The following ATP1A1 variants were observed in gnomAD, a reference collection of about 807,000 sequenced individuals.
ATP1A1 encodes sodium/potassium-transporting ATPase subunit alpha-1.
A neutral mutation model predicts 114.8 loss-of-function variants in ATP1A1; 14 were observed. The ratio of observed to expected loss-of-function variants is 0.12; its 90% CI spans 0.08 to 0.19. The LOEUF (loss-of-function observed/expected upper bound fraction) is 0.19. Ranked by LOEUF, ATP1A1 falls within the 10% of genes least tolerant of loss-of-function variation. ATP1A1 has a pLI of 1.00. For missense variants in ATP1A1, 524 were observed against 1,290.7 expected, an observed-to-expected ratio of 0.41 and a Z score of 9.10; for synonymous variants, 471 against 466.3, an observed-to-expected ratio of 1.01 and a Z score of -0.13.
rs181214753 is a variant in ATP1A1, at chr1:116,381,290, T to A, written c.13-2724T>A. 1.3e-5 allele frequency among the ~76,000 whole-genome samples: 2 copies of A among 152,346 alleles called. No individual in the cohort carries two copies. The highest frequency in any genetic ancestry group is 6.5e-5 in the Admixed American group (1 of 15,306). On this transcript the variant is annotated intron_variant, in intron 1 of 22. Transcript: ENST00000295598. This position sits in a 1 kb window ranked among gnomAD's most constrained non-coding sequence, Gnocchi z 5.1. ...TTGTCCTACCTGATTCTACCACTGT[T>A]CATCTCACGCAGTGTGCACTCCCTG...
At chr1:116,400,833 T>C in intron 18 of ATP1A1, 28 bp from the exon 19 acceptor site, 4 of 1,613,222 alleles carry the variant, frequency 2.5e-6, no homozygotes, top group Non-Finnish European at 3.4e-6. Flanking sequence ...TGTGAGGTTC[T>C]AGTAATTGGG....
At chr1:116,376,029 A>G (rs776415750) in intron 1 of ATP1A1, among the ~76,000 whole-genome samples, 3 of 152,246 alleles carry the variant, frequency 2.0e-5, no homozygotes, top group Non-Finnish European at 4.4e-5. Flanking sequence ...TTTTATTGCC[A>G]GTGACTTGGC....
In ATP1A1 at chr1:116,384,710, A is replaced by G. The variant is rs1385608877; in HGVS notation, c.124-73A>G. ...TTAATAAGCTTAATGATAGTAATGAATAATGCTATTTTTTCTGTCATTTTT... is the reference window on the plus strand; with the variant it reads ...TTAATAAGCTTAATGATAGTAATGAGTAATGCTATTTTTTCTGTCATTTTT... On this transcript the variant is annotated intron_variant, in intron 2 of 22. Transcript: ENST00000295598. This position sits in a 1 kb window ranked among gnomAD's most constrained non-coding sequence, Gnocchi z 5.1. The G allele has an allele frequency of 6.2e-6, 8 of 1,296,940 alleles. No individual in the cohort carries two copies. The highest frequency in any genetic ancestry group is 8.7e-6 in the Non-Finnish European group (8 of 917,980). 80.3% of individuals were successfully genotyped at this position (1,296,940 alleles called of 1,614,324 possible). A position where few individuals can be genotyped will look rare whatever the true frequency, so the allele number is the denominator to read the frequency against.
At position 116,387,470 on chromosome 1, in the gene ATP1A1, A is replaced by G; in HGVS notation, c.366A>G (p.Glu122=). The change falls in exon 4 of 23, where the codon GAA becomes GAG. Residue 122 remains glutamate, a synonymous_variant. Transcript: ENST00000295598. The surrounding 1 kb of genome is among the most constrained non-coding windows in gnomAD (Gnocchi z 6.7). The part of the protein sequence containing the change: ...FLAYSIQAAT[E]EEPQNDNLYL... ...CTTATAGCATCCAAGCTGCTACAGA[A>G]GAGGAACCTCAAAACGATAATGTGA... 2 of 1,614,252 alleles carry G rather than the reference A, an allele frequency of 1.2e-6. No individual in the cohort carries two copies. Among genetic ancestry groups the G allele is most frequent in the Non-Finnish European group, 1.7e-6 (2 of 1,180,046 alleles).
Position 116,398,518 on chromosome 1 carries a change from G to A in ATP1A1, c.2125-103G>A, listed in dbSNP as rs1653123915. On this transcript the variant is annotated intron_variant, in intron 15 of 22. Coordinates refer to ENST00000295598, the MANE Select transcript of ATP1A1 (RefSeq NM_000701.8). The surrounding 1 kb of genome is among the most constrained non-coding windows in gnomAD (Gnocchi z 6.1). ...CTTCATAAATAGTCTCAATAGGAAA[G>A]GAGCAGTGTCTGTAATGAGTGCTCA... The A allele has an allele frequency of 7.2e-7, 1 of 1,389,568 alleles. No homozygotes were observed. Among genetic ancestry groups the A allele is most frequent in the Admixed American group, 2.1e-5 (1 of 47,980 alleles). The allele number at this position is 1,389,568 out of a possible 1,614,324, so 86.1% of individuals were successfully genotyped here.
chr1:116,373,818 C>T, intron 1 of ATP1A1: 1 of 1,240,302 alleles, frequency 8.1e-7, no homozygotes, highest in South Asian at 2.9e-5. Flanking sequence ...GCCGGGGGCT[C>T]CGAGAGGCGG....
In ATP1A1 at chr1:116,401,515, T is replaced by C. The variant is rs1268734613; in HGVS notation, c.2850-39T>C. 1.3e-6 allele frequency: 2 copies of C among 1,594,296 alleles called. No homozygotes were observed. Among genetic ancestry groups the C allele is most frequent in the African/African-American group, 2.7e-5 (2 of 74,554 alleles). ...TAGCATTAGAAGATAAACCTTTATT[T>C]GCACCTTTTAAGTTTTTTCTCCCCT... On this transcript the variant is annotated intron_variant, in intron 20 of 22. Transcript: ENST00000295598. The surrounding 1 kb of genome is among the most constrained non-coding windows in gnomAD (Gnocchi z 4.7).
Position 116,388,612 on chromosome 1 carries a change from C to G in ATP1A1, c.502-26C>G. 2 of 1,611,150 alleles carry G rather than the reference C, an allele frequency of 1.2e-6. No homozygotes were observed. The highest frequency in any genetic ancestry group is 1.7e-6 in the Non-Finnish European group (2 of 1,178,280). ...TACCTTCTCTTTGTTGGTATACTAA[C>G]GGTGTAAATTGTTTCTTTTCCAAAG... On this transcript the variant is annotated intron_variant, in intron 5 of 22. Coordinates refer to ENST00000295598, the MANE Select transcript of ATP1A1 (RefSeq NM_000701.8). The surrounding 1 kb of genome is among the most constrained non-coding windows in gnomAD (Gnocchi z 5.6).
chr1:116,382,497 C>CT (rs2101036015), intron 1 of ATP1A1: 1 of 152,270 alleles, frequency 6.6e-6, no homozygotes, highest in South Asian at 2.1e-4. Context: ...TTTAGACCTG[C>CT]TTCATTAATA....
In ATP1A1 at chr1:116,395,032, C is replaced by T. The variant is rs1054872529; in HGVS notation, c.1661-78C>T. 6 of 1,428,470 alleles carry T rather than the reference C, an allele frequency of 4.2e-6. No individual in the cohort carries two copies. Among genetic ancestry groups the T allele is most frequent in the Non-Finnish European group, 5.7e-6 (6 of 1,054,930 alleles). The allele number at this position is 1,428,470 out of a possible 1,614,324, so 88.5% of individuals were successfully genotyped here. ...AGTAAACACTCCAGAGAAAGGTAGGCGGGCTGAATAGGCTGCTGTTGTCCT... is the reference window on the plus strand; with the variant it reads ...AGTAAACACTCCAGAGAAAGGTAGGTGGGCTGAATAGGCTGCTGTTGTCCT... On this transcript the variant is annotated intron_variant, in intron 12 of 22. Transcript: ENST00000295598. This position sits in a 1 kb window ranked among gnomAD's most constrained non-coding sequence, Gnocchi z 6.4.
In ATP1A1 at chr1:116,384,636, G is replaced by A; in HGVS notation, c.124-147G>A. The A allele has an allele frequency of 3.0e-6, 2 of 663,844 alleles. No homozygotes were observed. The highest frequency in any genetic ancestry group is 5.0e-6 in the Non-Finnish European group (2 of 400,652). 41.1% of individuals were successfully genotyped at this position (663,844 alleles called of 1,614,324 possible). A position where few individuals can be genotyped will look rare whatever the true frequency, so the allele number is the denominator to read the frequency against. On this transcript the variant is annotated intron_variant, in intron 2 of 22. Transcript: ENST00000295598. The surrounding 1 kb of genome is among the most constrained non-coding windows in gnomAD (Gnocchi z 5.1). ...TGTGGTTGCAAAGCCACAAAGCGAT[G>A]GTGAAAATTGTACCAACTTATGCAC...
chr1:116,376,596 CT>C (rs1175621761), intron 1 of ATP1A1, among the ~76,000 whole-genome samples: 19 of 151,912 alleles, frequency 1.3e-4, no homozygotes, highest in Non-Finnish European at 2.4e-4. Flanking sequence ...TTTCTGTACC[CT>C]TTTATAAGGG....
Position 116,401,351 on chromosome 1 carries a change from T to C in ATP1A1, c.2849+91T>C, listed in dbSNP as rs1653462775. The C allele has an allele frequency of 3.2e-6, 5 of 1,581,878 alleles. No homozygotes were observed. The highest frequency in any genetic ancestry group is 1.8e-5 in the Admixed American group (1 of 57,016). On this transcript the variant is annotated intron_variant, in intron 20 of 22. Coordinates refer to ENST00000295598, the MANE Select transcript of ATP1A1 (RefSeq NM_000701.8). This position sits in a 1 kb window ranked among gnomAD's most constrained non-coding sequence, Gnocchi z 4.7. ...TGCCAAAAACTAAACATATGACACA[T>C]ATAGCCAGGTTTCTGGAATCTCTAG...
In ATP1A1 at chr1:116,374,389, G is replaced by A. The variant is rs1651213223; in HGVS notation, c.12+866G>A. 3 of 1,194,456 alleles carry A rather than the reference G, an allele frequency of 2.5e-6. No homozygotes were observed. The South Asian group carries it at 4.1e-5, about 16-fold the overall frequency. The allele number at this position is 1,194,456 out of a possible 1,614,324, so 74.0% of individuals were successfully genotyped here. ...AAGGAGGATAGGCAGACCCACCAGG[G>A]CCTCAGGGTACAAGAAACCCGAAAA... is the stretch of plus-strand genomic sequence containing the variant. On this transcript the variant is annotated intron_variant, in intron 1 of 22. Coordinates refer to ENST00000295598, the MANE Select transcript of ATP1A1 (RefSeq NM_000701.8).
In ATP1A1 at chr1:116,404,021, G is replaced by C. The variant is rs773244746; in HGVS notation, c.3043+46G>C. The C allele has an allele frequency of 6.4e-7, 1 of 1,566,254 alleles. No homozygotes were observed. Among genetic ancestry groups the C allele is most frequent in the Non-Finnish European group, 8.8e-7 (1 of 1,140,554 alleles). Reference sequence around the variant, plus strand: ...TTTGGTTGGAGGAGGAGTGGGAGGGGCTATAGTTCTATTGGTTTTTTGTTT... The same window carrying C: ...TTTGGTTGGAGGAGGAGTGGGAGGGCCTATAGTTCTATTGGTTTTTTGTTT... On this transcript the variant is annotated intron_variant, in intron 22 of 22. Coordinates refer to ENST00000295598, the MANE Select transcript of ATP1A1 (RefSeq NM_000701.8). This position sits in a 1 kb window ranked among gnomAD's most constrained non-coding sequence, Gnocchi z 4.8.
rs146195513 is a variant in ATP1A1 at position 116,384,021 on chromosome 1, G to A, written c.20G>A (p.Arg7His). Reference protein sequence around the residue: MGKGVGRDKYEPAAVSE... With the variant: MGKGVGHDKYEPAAVSE... ...TCCCACATTCTCCTACAGGTTGGAC[G>A]TGATAAGTATGAGCCTGCAGCTGTT... Residue 7 changes from arginine (R) to histidine (H), a missense_variant, in exon 2 of 23, where the codon CGT (arginine) becomes CAT (histidine). By Grantham distance (29) the Arg-to-His change is conservative (BLOSUM62 0). Coordinates refer to ENST00000295598, the MANE Select transcript of ATP1A1 (RefSeq NM_000701.8). The surrounding 1 kb of genome is among the most constrained non-coding windows in gnomAD (Gnocchi z 5.1). 6 of 1,613,744 alleles carry A rather than the reference G, an allele frequency of 3.7e-6. No individual in the cohort carries two copies. The highest frequency in any genetic ancestry group is 2.2e-5 in the East Asian group (1 of 44,872).
In ATP1A1 at chr1:116,404,333, T is replaced by C; in HGVS notation, c.3044-83T>C. 6.3e-7 allele frequency: 1 copy of C among 1,581,016 alleles called. No individual in the cohort carries two copies. Among genetic ancestry groups the C allele is most frequent in the East Asian group, 2.2e-5 (1 of 44,530 alleles). The stretch of plus-strand genomic sequence containing the variant: ...CCGACCCCCATCATCCTCCGGTTGG[T>C]TTTCATCCCTGTTTCCCTCTGTAAT... On this transcript the variant is annotated intron_variant, in intron 22 of 22. Transcript: ENST00000295598. The surrounding 1 kb of genome is among the most constrained non-coding windows in gnomAD (Gnocchi z 4.8).
Position 116,388,074 on chromosome 1 carries a change from G to C in ATP1A1, c.388-57G>C, listed in dbSNP as rs368943881. 5 of 1,125,730 alleles carry C rather than the reference G, an allele frequency of 4.4e-6. No individual in the cohort carries two copies. Among genetic ancestry groups the C allele is most frequent in the South Asian group, 2.7e-5 (2 of 73,060 alleles). 69.7% of individuals were successfully genotyped at this position (1,125,730 alleles called of 1,614,324 possible). On this transcript the variant is annotated intron_variant, in intron 4 of 22. Coordinates refer to ENST00000295598, the MANE Select transcript of ATP1A1 (RefSeq NM_000701.8). The surrounding 1 kb of genome is among the most constrained non-coding windows in gnomAD (Gnocchi z 5.6). ...TTTTTATTCAGTCAAAAAATTAATT[G>C]AATGTCCCTAATTATTGTGTAGAGC...
At chr1:116,383,329 AG>A in intron 1 of ATP1A1, 1 of 1,077,154 alleles carries the variant, frequency 9.3e-7, no homozygotes, top group African/African-American at 1.7e-5. Flanking sequence ...AAGCTGGTAA[AG>A]GTCAGTGTTC....
Sources: allele counts gnomAD v4.1 joint callset (sites outside exome capture counted in the v4.1 genomes callset), GRCh38; gene constraint gnomAD v4.1.1; non-coding constraint Gnocchi (gnomAD v3.1); transcripts MANE v1.5; gene names NCBI Gene and HGNC (gene_info 2026-07-23, HGNC 2026-07-21).